Variants in NCOR1 observed in about 807,000 individuals in gnomAD.
The protein encoded by NCOR1 is nuclear receptor corepressor 1, also known as protein phosphatase 1, regulatory subunit 109.
A neutral mutation model predicts 288.1 loss-of-function variants in NCOR1; 63 were observed. The ratio of observed to expected loss-of-function variants is 0.22; its 90% CI spans 0.18 to 0.27. The LOEUF is 0.27. Ranked by LOEUF, NCOR1 falls within the 10% of genes least tolerant of loss-of-function variation. NCOR1 has a pLI of 1.00. For missense variants in NCOR1, 2,397 were observed against 3,019.2 expected, an observed-to-expected ratio of 0.79 and a Z score of 4.83; for synonymous variants, 1,007 against 1,065.9, an observed-to-expected ratio of 0.94 and a Z score of 1.08.
chr17:16,118,188 A>C (rs2072119662), intron 17 of NCOR1, among the ~76,000 whole-genome samples, 161 bp from the exon 18 acceptor site: 1 of 152,228 alleles, frequency 6.6e-6, no homozygotes, highest in Non-Finnish European at 1.5e-5. Flanking sequence ...AAAAATACTT[A>C]TTGAAACAAA....
At chr17:16,202,192 C>G (rs1249314787) in intron 1 of NCOR1, among the ~76,000 whole-genome samples, 2 of 149,110 alleles carry the variant, frequency 1.3e-5, no homozygotes, top group African/African-American at 5.0e-5. Context: ...CCACTGCGTT[C>G]CAGCCTGGGC....
chr17:16,105,836 A>G (rs886762562), intron 19 of NCOR1, among the ~76,000 whole-genome samples: 2 of 152,210 alleles, frequency 1.3e-5, no homozygotes, highest in African/African-American at 4.8e-5. Flanking sequence ...GCGGTGGCTC[A>G]TGCCTGTAAT....
At chr17:16,049,110 A>G in intron 40 of NCOR1, 122 bp from the exon 41 acceptor site, 1 of 1,086,016 alleles carries the variant, frequency 9.2e-7, no homozygotes, top group Non-Finnish European at 1.3e-6. Flanking sequence ...AATTTCTATC[A>G]GAAAAAAAGT....
chr17:16,164,056 G>A (rs1165926536), intron 5 of NCOR1, among the ~76,000 whole-genome samples: 1 of 152,070 alleles, frequency 6.6e-6, no homozygotes, highest in Non-Finnish European at 1.5e-5. Flanking sequence ...AAATGTTCTA[G>A]AATTAGAGAG....
chr17:16,186,976 A>C (rs1291546875), intron 2 of NCOR1, among the ~76,000 whole-genome samples: 1 of 152,166 alleles, frequency 6.6e-6, no homozygotes, highest in Non-Finnish European at 1.5e-5. Flanking sequence ...TAAAATCTCA[A>C]ACTCATGTGT....
At chr17:16,139,692 G>A (rs1342740209) in intron 11 of NCOR1, among the ~76,000 whole-genome samples, 2 of 152,144 alleles carry the variant, frequency 1.3e-5, no homozygotes, top group Non-Finnish European at 2.9e-5. Flanking sequence ...AACGCTTCTT[G>A]CTAATTTTAC....
At position 16,070,028 on chromosome 17, in the gene NCOR1, T is replaced by G. The variant is rs758502810; in HGVS notation, c.4513+137A>C. The G allele has an allele frequency of 4.0e-4, 461 of 1,143,788 alleles. 2 individuals are homozygous for G. The Middle Eastern group carries it at 5.8e-3, about 14-fold the overall frequency. The allele number at this position is 1,143,788 out of a possible 1,614,324, so 70.9% of individuals were successfully genotyped here. On this transcript the variant is annotated intron_variant, in intron 31 of 45. Coordinates refer to ENST00000268712, the MANE Select transcript of NCOR1 (RefSeq NM_006311.4). ...CTTTTAAATTAGTAGCCTTCCATAC[T>G]CCTAGACTCAAGCAAGACCTGTAGA...
At chr17:16,083,183 AGATCG>A (rs1009475065) in intron 23 of NCOR1, among the ~76,000 whole-genome samples, 1 of 151,842 alleles carries the variant, frequency 6.6e-6, no homozygotes, top group African/African-American at 2.4e-5. Context: ...CAGTGAGCCG[AGATCG>A]TGTCACTGCA....
At chr17:16,165,551 T>G (rs1476846186) in intron 4 of NCOR1, among the ~76,000 whole-genome samples, 2 of 152,218 alleles carry the variant, frequency 1.3e-5, no homozygotes, top group Non-Finnish European at 2.9e-5. Flanking sequence ...AATAGTATTA[T>G]TCCAGGTAAA....
intron 21 of NCOR1, among the ~76,000 whole-genome samples, chr17:16,092,414 G>C (rs1052749203): frequency 6.6e-6 from 1 of 151,876 alleles, no homozygotes; most frequent in Non-Finnish European, 1.5e-5. Context: ...TTGAGCCTGG[G>C]AGGCAGAGGT....
chr17:16,149,469 A>G lies in NCOR1; in HGVS notation c.891T>C (p.Asn297=). Residue 297 remains asparagine, a synonymous_variant, in exon 9 of 46, where the codon AAT becomes AAC. Transcript: ENST00000268712. The stretch of plus-strand genomic sequence containing the variant: ...ACCTCACCCTTTGTTTTCTTGCATG[A>G]TTTCTTCTTTTAAAAAATAAAATGA... ...KKLILFFKRR[N]HARKQREQKI... 1.3e-6 allele frequency: 2 copies of G among 1,564,686 alleles called. No homozygotes were observed. Among genetic ancestry groups the G allele is most frequent in the Non-Finnish European group, 1.7e-6 (2 of 1,147,804 alleles).
At chr17:16,203,040 T>TACACACACACACAC (rs57228948) in intron 1 of NCOR1, among the ~76,000 whole-genome samples, 186 of 147,018 alleles carry the variant, frequency 1.3e-3, no homozygotes, top group African/African-American at 4.0e-3. Context: ...AGCTGTTCCT[T>TACACACACACACAC]ACACACACAC....
chr17:16,110,253 G>C (rs1038972483), intron 18 of NCOR1, among the ~76,000 whole-genome samples: 6 of 151,858 alleles, frequency 4.0e-5, no homozygotes, highest in African/African-American at 1.5e-4. Context: ...TTACACAGTA[G>C]ACTGAGCCAG....
intron 44 of NCOR1, 24 bp from the exon 45 acceptor site, chr17:16,034,968 GTATTAATA>G: frequency 6.2e-7 from 1 of 1,608,298 alleles, no homozygotes; most frequent in Non-Finnish European, 8.5e-7. Flanking sequence ...TCAAGTTAAA[GTATTAATA>G]TATTAAGTTC....
In NCOR1 at chr17:16,137,377, G is replaced by A. The variant is rs933911139; in HGVS notation, c.1443C>T (p.Thr481=). The A allele has an allele frequency of 1.9e-6, 3 of 1,590,728 alleles. No individual in the cohort carries two copies. The highest frequency in any genetic ancestry group is 2.7e-5 in the African/African-American group (2 of 74,064). The change falls in exon 14 of 46, where the codon ACC becomes ACT. Residue 481 remains threonine, a synonymous_variant. Coordinates refer to ENST00000268712, the MANE Select transcript of NCOR1 (RefSeq NM_006311.4). The part of the protein sequence containing the change: ...VPDCVLYYYL[T]KKNENYKALV... ...GGGCTTTATAATTCTCATTTTTCTTGGTTAAATAGTAATACAAAACACAAT... is the reference window on the plus strand; with the variant it reads ...GGGCTTTATAATTCTCATTTTTCTTAGTTAAATAGTAATACAAAACACAAT...
At chr17:16,093,850 A>AT (rs1166011672) in intron 21 of NCOR1, among the ~76,000 whole-genome samples, 3 of 152,112 alleles carry the variant, frequency 2.0e-5, no homozygotes, top group African/African-American at 7.2e-5. Flanking sequence ...CATCCATAGT[A>AT]TTTTTTAACC....
At chr17:16,114,428 G>C (rs560648950) in intron 18 of NCOR1, among the ~76,000 whole-genome samples, 1 of 152,134 alleles carries the variant, frequency 6.6e-6, no homozygotes, top group East Asian at 1.9e-4. Flanking sequence ...CTTCCCAACA[G>C]TCCTCCAAAG....
intron 3 of NCOR1, among the ~76,000 whole-genome samples, chr17:16,174,656 T>TGTATAA (rs1293711790): frequency 2.8e-4 from 42 of 152,326 alleles, no homozygotes; most frequent in Non-Finnish European, 5.0e-4. Flanking sequence ...TAAATAAATA[T>TGTATAA]ATAATTTAAT....
Position 16,098,438 on chromosome 17 carries a change from A to G in NCOR1, c.2749T>C (p.Ser917Pro). 6.2e-7 allele frequency: 1 copy of G among 1,613,996 alleles called. No homozygotes were observed. The highest frequency in any genetic ancestry group is 2.2e-5 in the East Asian group (1 of 44,868). ...LLNPTGSILV[S>P]SPLKPNPLDL... ...AGTGGATTTGGTTTTAACGGAGATGAGACGAGTATAGATCCAGTGGGGTTT... is the reference window on the plus strand; with the variant it reads ...AGTGGATTTGGTTTTAACGGAGATGGGACGAGTATAGATCCAGTGGGGTTT... The change falls in exon 21 of 46, where the codon TCA (serine) becomes CCA (proline). Residue 917 changes from serine to proline, a missense_variant. Physicochemically the swap from Ser to Pro is moderately conservative, Grantham distance 74. This residue lies in a region of NCOR1 where 1,872 missense variants were observed against 2,187.8 expected (regional missense o/e 0.86). Coordinates refer to ENST00000268712, the MANE Select transcript of NCOR1 (RefSeq NM_006311.4).
Sources: allele counts gnomAD v4.1 joint callset (sites outside exome capture counted in the v4.1 genomes callset), GRCh38; gene constraint gnomAD v4.1.1; regional missense constraint gnomAD v4.1.1; transcripts MANE v1.5; gene names NCBI Gene and HGNC (gene_info 2026-07-23, HGNC 2026-07-21).